The following PCTP variants were observed in gnomAD, a reference collection of about 807,000 sequenced individuals.
PCTP encodes the protein phosphatidylcholine transfer protein, also known as START domain-containing protein 2.
Under a neutral mutation model 31.0 loss-of-function variants are expected in PCTP, and 27 were observed. The ratio of observed to expected loss-of-function variants is 0.87; its 90% CI spans 0.64 to 1.20. PCTP has a LOEUF of 1.20. PCTP is among the 50% of genes most tolerant of loss of function. PCTP has a pLI of 0.00. For missense variants in PCTP, 287 were observed against 268.2 expected, an observed-to-expected ratio of 1.07 and a Z score of -0.49; for synonymous variants, 108 against 101.2, an observed-to-expected ratio of 1.07 and a Z score of -0.40.
chr17:55,824,640 G>A (rs1053745835), downstream of PCTP, among the ~76,000 whole-genome samples: 13 of 152,150 alleles, frequency 8.5e-5, no homozygotes, highest in Non-Finnish European at 1.6e-4. Flanking sequence ...TAGGTCACTC[G>A]GTCCCTGAAC....
chr17:55,758,229 G>C (rs1168260476), intron 1 of PCTP, among the ~76,000 whole-genome samples: 2 of 152,170 alleles, frequency 1.3e-5, no homozygotes, highest in Non-Finnish European at 2.9e-5. Context: ...GTGAGAAGGG[G>C]CAGCCTAAAT....
At chr17:55,800,004 C>T (rs922121999) in intron 3 of PCTP, among the ~76,000 whole-genome samples, 10 of 152,110 alleles carry the variant, frequency 6.6e-5, no homozygotes, top group African/African-American at 2.4e-4. Flanking sequence ...CTGCCCTTAA[C>T]ATTTTTTCCT....
At chr17:55,809,327 A>G (rs1434710113) in intron 3 of PCTP, among the ~76,000 whole-genome samples, 2 of 152,132 alleles carry the variant, frequency 1.3e-5, no homozygotes, top group African/African-American at 2.4e-5. Context: ...TATTACATCT[A>G]TTATCTCTCT....
intron 1 of PCTP, chr17:55,751,475 C>T (rs1909709716): frequency 1.3e-5 from 20 of 1,530,514 alleles, no homozygotes; most frequent in Non-Finnish European, 1.7e-5. Flanking sequence ...AGTTCAGCCT[C>T]AGGTCAGGCC....
chr17:55,833,467 C>T (rs1311815184), intron 5 of PCTP, among the ~76,000 whole-genome samples: 1 of 152,218 alleles, frequency 6.6e-6, no homozygotes, highest in African/African-American at 2.4e-5. Context: ...GAAGTATCCT[C>T]CCACACAAAG....
intron 1 of PCTP, among the ~76,000 whole-genome samples, chr17:55,758,477 C>T (rs770709415): frequency 6.6e-6 from 1 of 152,208 alleles, no homozygotes; most frequent in Non-Finnish European, 1.5e-5. Context: ...AATCCCTACT[C>T]CTATTTCCCC....
intron 3 of PCTP, among the ~76,000 whole-genome samples, chr17:55,819,670 G>T (rs923256458): frequency 4.6e-5 from 7 of 152,156 alleles, no homozygotes; most frequent in African/African-American, 1.7e-4. Flanking sequence ...TGGTAGGATT[G>T]CTTGAGCCCA....
intron 5 of PCTP, among the ~76,000 whole-genome samples, chr17:55,840,300 T>C (rs1905931932): frequency 6.6e-6 from 1 of 152,340 alleles, no homozygotes; most frequent in Admixed American, 6.5e-5. Context: ...ACATACAACA[T>C]GAATATGTAG....
At chr17:55,803,368 T>C (rs1881259085) in intron 3 of PCTP, among the ~76,000 whole-genome samples, 1 of 152,208 alleles carries the variant, frequency 6.6e-6, no homozygotes, top group Admixed American at 6.5e-5. Context: ...ACTTTAAGTT[T>C]CATATGGAAA....
At chr17:55,788,238 C>G (rs1287279379) in intron 3 of PCTP, among the ~76,000 whole-genome samples, 1 of 152,148 alleles carries the variant, frequency 6.6e-6, no homozygotes, top group Non-Finnish European at 1.5e-5. Context: ...TCTCCACATC[C>G]TTTTGTAGTG....
At chr17:55,812,937 A>T (rs1912800775) in intron 3 of PCTP, among the ~76,000 whole-genome samples, 1 of 152,170 alleles carries the variant, frequency 6.6e-6, no homozygotes. Flanking sequence ...TTCCGCAGTC[A>T]TGAGAGTTAT....
chr17:55,784,290 A>G (rs1036790894), intron 2 of PCTP, among the ~76,000 whole-genome samples: 2 of 151,824 alleles, frequency 1.3e-5, no homozygotes, highest in African/African-American at 4.8e-5. Context: ...CCTCCTTTCT[A>G]CTCCCTAAAT....
chr17:55,808,194 G>T (rs1419551810), intron 3 of PCTP, among the ~76,000 whole-genome samples: 2 of 152,174 alleles, frequency 1.3e-5, no homozygotes, highest in Non-Finnish European at 2.9e-5. Context: ...TGGAACCCAA[G>T]TCTTCAAGTC....
rs149452285 is a variant in PCTP, at chr17:55,767,408, A to G, written c.215A>G (p.Tyr72Cys). The change falls in exon 2 of 6, where the codon TAT becomes TGT. Residue 72 changes from tyrosine (Y) to cysteine (C), a missense_variant. Transcript: ENST00000268896. Reference sequence around the variant, plus strand: ...TCACCAACTCTACTGGCAGACATCTATATGGACTCAGATTACAGAAAACAA... The same window carrying G: ...TCACCAACTCTACTGGCAGACATCTGTATGGACTCAGATTACAGAAAACAA... ...DCSPTLLADI[Y>C]MDSDYRKQWD... 5.7e-4 allele frequency: 927 copies of G among 1,613,198 alleles called. 7 individuals are homozygous for G. The highest frequency in any genetic ancestry group is 6.8e-4 in the South Asian group (62 of 91,058).
intron 3 of PCTP, among the ~76,000 whole-genome samples, chr17:55,804,546 A>T (rs2145033266): frequency 6.6e-6 from 1 of 152,348 alleles, no homozygotes; most frequent in East Asian, 1.9e-4. Context: ...AAAAAGGATG[A>T]GTTCCTGTCC....
chr17:55,843,209 T>A (rs967309296), downstream of PCTP, among the ~76,000 whole-genome samples: 1 of 152,254 alleles, frequency 6.6e-6, no homozygotes, highest in East Asian at 1.9e-4. Context: ...AATGTTATAT[T>A]ATCTTATTTC....
chr17:55,799,346 C>A (rs994459894), intron 3 of PCTP, among the ~76,000 whole-genome samples: 1 of 150,690 alleles, frequency 6.6e-6, no homozygotes, highest in Admixed American at 6.6e-5. Flanking sequence ...TTAAAGTTTG[C>A]TTTATCAGAG....
At chr17:55,755,827 T>C (rs1909987686) in intron 1 of PCTP, among the ~76,000 whole-genome samples, 2 of 152,346 alleles carry the variant, frequency 1.3e-5, no homozygotes, top group Middle Eastern at 3.4e-3. Flanking sequence ...TCTAAAGAGA[T>C]GTGGAAGATA....
At chr17:55,851,036 A>C in the PCTP span, among the ~76,000 whole-genome samples, 324 of 152,306 alleles carry the variant, frequency 2.1e-3, 2 homozygotes, top group African/African-American at 6.8e-3. Context: ...GATTGACCAG[A>C]TATGGAAACC....
Sources: gnomAD v4.1 joint callset for allele counts (sites outside exome capture counted in the v4.1 genomes callset) on GRCh38, gnomAD v4.1.1 for gene constraint, MANE v1.5 for transcripts, NCBI Gene and HGNC (gene_info 2026-07-23, HGNC 2026-07-21) for gene names.